Variants in TMF1 observed in about 807,000 individuals in gnomAD.
TMF1 encodes TATA element modulatory factor.
A neutral mutation model predicts 126.5 loss-of-function variants in TMF1; 71 were observed. The ratio of observed to expected loss-of-function variants is 0.56; its 90% confidence interval spans 0.46 to 0.68. The LOEUF is 0.68. Ranked by LOEUF, TMF1 falls within the 30% of genes least tolerant of loss-of-function variation. TMF1 has a pLI of 0.00. For synonymous variants in TMF1, 461 were observed against 430.5 expected, an observed-to-expected ratio of 1.07 and a Z score of -0.88; for missense variants, 1,259 against 1,253.2, an observed-to-expected ratio of 1.00 and a Z score of -0.07.
At chr3:69,045,449 G>A (rs539260708) in intron 2 of TMF1, among the ~76,000 whole-genome samples, 1 of 151,026 alleles carries the variant, frequency 6.6e-6, no homozygotes, top group South Asian at 2.1e-4. Flanking sequence ...GGTGACAAGA[G>A]TGAAACTCCA....
At chr3:69,046,585 G>A (rs2091897322) in intron 2 of TMF1, among the ~76,000 whole-genome samples, 1 of 152,090 alleles carries the variant, frequency 6.6e-6, no homozygotes, top group Non-Finnish European at 1.5e-5. Flanking sequence ...CTACATCTCA[G>A]AAGTCTATTA....
chr3:69,049,732 T>C (rs1222941049), intron 1 of TMF1, among the ~76,000 whole-genome samples: 2 of 152,198 alleles, frequency 1.3e-5, no homozygotes, highest in Non-Finnish European at 2.9e-5. Flanking sequence ...ATATCAGTCA[T>C]ACAAATAGCT....
At chr3:69,048,741 GGACTTACGGAA>G (rs1380674897) in intron 1 of TMF1, 179 bp from the exon 2 acceptor site, 3 of 551,684 alleles carry the variant, frequency 5.4e-6, no homozygotes, top group Non-Finnish European at 8.8e-6. Flanking sequence ...GTTAATACAG[GGACTTACGGAA>G]GAAAACTGGT....
chr3:69,022,696 C>G lies in TMF1; in HGVS notation c.*481G>C, dbSNP rs2091746138. The stretch of plus-strand genomic sequence containing the variant: ...CAGATTTAATAATTTTTTACTTTAA[C>G]ACTTAATGTACATTTTCATGAGCAG... On this transcript the variant is annotated 3_prime_UTR_variant, in exon 17 of 17. Transcript: ENST00000398559. The G allele has an allele frequency of 6.6e-6, 1 of 152,370 alleles. No homozygotes were observed. The highest frequency in any genetic ancestry group is 2.1e-4 in the South Asian group (1 of 4,826). The allele number at this position is 152,370 out of a possible 1,614,324, so 9.4% of individuals were successfully genotyped here. A position where few individuals can be genotyped will look rare whatever the true frequency, so the allele number is the denominator to read the frequency against.
intron 2 of TMF1, among the ~76,000 whole-genome samples, chr3:69,045,997 C>T (rs1390576728): frequency 1.3e-5 from 2 of 152,064 alleles, no homozygotes; most frequent in East Asian, 1.9e-4. Flanking sequence ...TCAAGGCTGC[C>T]GTGAGCCATG....
rs1263259929 is a variant in TMF1, at chr3:69,047,438, C to T, written c.1267G>A (p.Val423Met). 6.2e-7 allele frequency: 1 copy of T among 1,614,176 alleles called. No individual in the cohort carries two copies. The highest frequency in any genetic ancestry group is 8.5e-7 in the Non-Finnish European group (1 of 1,180,018). Residue 423 changes from valine to methionine, a missense_variant, in exon 2 of 17, where the codon GTG (valine) becomes ATG (methionine). Val to Met is a conservative substitution (Grantham distance 21). Transcript: ENST00000398559. ...CACTGCTCAGCCACCTTGTCTAACA[C>T]AGTCTGTCCTTCATTTATTGGTGTG... Reference protein sequence around the residue: ...SSTPINEGQTVLDKVAEQCEP... With the variant: ...SSTPINEGQTMLDKVAEQCEP...
chr3:69,039,193 T>A (rs1225429955), intron 6 of TMF1, among the ~76,000 whole-genome samples, 184 bp from the exon 7 acceptor site: 1 of 152,122 alleles, frequency 6.6e-6, no homozygotes, highest in African/African-American at 2.4e-5. Flanking sequence ...TCAGGCAATT[T>A]TCGTGCCTTA....
Position 69,039,652 on chromosome 3 carries a change from T to C in TMF1, c.1726A>G (p.Ile576Val). The stretch of plus-strand genomic sequence containing the variant: ...TTGTCTTTAGCTCTTAATTTCTTGA[T>C]GATGTTAGAATTGTGCAGCTGCTGT... ...SKQQLHNSNI[I>V]KKLRAKDKEN... The change falls in exon 6 of 17, where the codon ATC (isoleucine) becomes GTC (valine). Residue 576 changes from isoleucine to valine, a missense_variant. Transcript: ENST00000398559. 6.2e-7 allele frequency: 1 copy of C among 1,613,782 alleles called. No homozygotes were observed.
intron 3 of TMF1, among the ~76,000 whole-genome samples, chr3:69,044,087 G>A (rs185251199): frequency 5.9e-5 from 9 of 152,262 alleles, no homozygotes; most frequent in Admixed American, 3.9e-4. Flanking sequence ...CTGTTAGAAA[G>A]AGAAAATGTC....
At position 69,027,899 on chromosome 3, in the gene TMF1, CCTTTT is replaced by C. The variant is rs757454617; in HGVS notation, c.2753_2757del (p.Glu918GlyfsTer9). ...AAACAAACAAAAACAAAATTCAATA[CCTTTT>C]CTTTTATTGTTTCTTGAGTAAAAAT... On this transcript the variant is annotated frameshift_variant and splice_region_variant, in exon 13 of 17. Coordinates refer to ENST00000398559, the MANE Select transcript of TMF1 (RefSeq NM_007114.3). LOFTEE classifies it high-confidence loss of function. 5.3e-6 allele frequency: 8 copies of C among 1,502,480 alleles called. No individual in the cohort carries two copies. Among genetic ancestry groups the C allele is most frequent in the African/African-American group, 2.8e-5 (2 of 72,038 alleles). The allele number at this position is 1,502,480 out of a possible 1,614,324, so 93.1% of individuals were successfully genotyped here.
intron 1 of TMF1, among the ~76,000 whole-genome samples, chr3:69,049,637 TTG>T: frequency 6.6e-6 from 1 of 152,262 alleles, no homozygotes; most frequent in East Asian, 1.9e-4. Flanking sequence ...CTATTGCTCT[TTG>T]ACATAGAGGT....
rs184218506 is a variant in TMF1, at chr3:69,033,862, G to A, written c.2245-158C>T. ...TTATTAATTTTAGAAACGGGGTCCCGCTCTGTCACCCAGGCTGGAGTGCAG... is the reference window on the plus strand; with the variant it reads ...TTATTAATTTTAGAAACGGGGTCCCACTCTGTCACCCAGGCTGGAGTGCAG... On this transcript the variant is annotated intron_variant, in intron 9 of 16. Coordinates refer to ENST00000398559, the MANE Select transcript of TMF1 (RefSeq NM_007114.3). The A allele has an allele frequency of 1.0e-3, 667 of 661,634 alleles. 3 individuals carry two copies. In the African/African-American group the frequency reaches 0.011, roughly 11 times the overall value. 41.0% of individuals were successfully genotyped at this position (661,634 alleles called of 1,614,324 possible). A position where few individuals can be genotyped will look rare whatever the true frequency, so the allele number is the denominator to read the frequency against.
rs758748986 is a variant in TMF1 at position 69,047,476 on chromosome 3, A to G, written c.1229T>C (p.Ile410Thr). 2 of 1,614,074 alleles carry G rather than the reference A, an allele frequency of 1.2e-6. No homozygotes were observed. Among genetic ancestry groups the G allele is most frequent in the South Asian group, 1.1e-5 (1 of 91,090 alleles). Residue 410 changes from isoleucine (I) to threonine (T), a missense_variant, in exon 2 of 17, where the codon ATC (isoleucine) becomes ACC (threonine). By Grantham distance (89) the Ile-to-Thr change is moderately conservative (BLOSUM62 -1). Transcript: ENST00000398559. ...ATPVNCEQPD[I>T]LVSSTPINEG... ...ATTTATTGGTGTGGAAGAAACCAAG[A>G]TATCAGGCTGTTCACAGTTAACAGG...
Position 69,052,232 on chromosome 3 carries a change from G to T in TMF1, c.-146C>A, listed in dbSNP as rs922754371. 3.4e-6 allele frequency: 3 copies of T among 892,750 alleles called. No individual in the cohort carries two copies. The Admixed American group carries it at 9.7e-5, about 29-fold the overall frequency. The allele number at this position is 892,750 out of a possible 1,614,324, so 55.3% of individuals were successfully genotyped here. On this transcript the variant is annotated 5_prime_UTR_variant, in exon 1 of 17. It introduces an in-frame stop codon into an upstream open reading frame of the 5' UTR. Transcript: ENST00000398559. Reference sequence around the variant, plus strand: ...GGCCATTACCCCGACAGCCTCCCGCGAGCCCGGGATGTTACCCTCGGCCGT... The same window carrying T: ...GGCCATTACCCCGACAGCCTCCCGCTAGCCCGGGATGTTACCCTCGGCCGT...
At chr3:69,032,328 G>GT (rs1411520001) in intron 10 of TMF1, among the ~76,000 whole-genome samples, 2 of 152,152 alleles carry the variant, frequency 1.3e-5, no homozygotes, top group Non-Finnish European at 2.9e-5. Context: ...GTTCCACACT[G>GT]TTTTGCTGGA....
At chr3:69,029,534 T>G (rs2091788061) in intron 11 of TMF1, among the ~76,000 whole-genome samples, 1 of 151,760 alleles carries the variant, frequency 6.6e-6, no homozygotes. Flanking sequence ...AACTTCCGCC[T>G]CCCGGGTGTA....
intron 6 of TMF1, 127 bp from the exon 7 acceptor site, chr3:69,039,136 G>T: frequency 1.1e-6 from 1 of 897,150 alleles, no homozygotes; most frequent in Non-Finnish European, 1.6e-6. Flanking sequence ...TCGCTCTATT[G>T]CCCAGGGTGG....
intron 2 of TMF1, among the ~76,000 whole-genome samples, chr3:69,045,127 C>T (rs2091888420): frequency 6.6e-6 from 1 of 152,176 alleles, no homozygotes; most frequent in Admixed American, 6.5e-5. Flanking sequence ...TTACCCGAAA[C>T]ACATACCCTT....
chr3:69,048,726 T>G (rs949109685), intron 1 of TMF1, 164 bp from the exon 2 acceptor site: 1 of 623,894 alleles, frequency 1.6e-6, no homozygotes, highest in African/African-American at 1.9e-5. Context: ...TTAAGTAGTT[T>G]CCAAGTTAAT....
Sources: gnomAD v4.1 joint callset for allele counts (sites outside exome capture counted in the v4.1 genomes callset) on GRCh38, gnomAD v4.1.1 for gene constraint, MANE v1.5 for transcripts, NCBI Gene and HGNC (gene_info 2026-07-23, HGNC 2026-07-21) for gene names.